The following PARP6 variants were observed in gnomAD, a reference collection of about 807,000 sequenced individuals.
The protein encoded by PARP6 is protein mono-ADP-ribosyltransferase PARP6.
A neutral mutation model predicts 92.0 loss-of-function variants in PARP6; 27 were observed. The observed-to-expected ratio is 0.29, with a 90% CI of 0.22 to 0.40. The LOEUF is 0.40. Ranked by LOEUF, PARP6 falls within the 10% of genes least tolerant of loss-of-function variation. The pLI is 1.00. For missense variants in PARP6, 501 were observed against 784.5 expected, an observed-to-expected ratio of 0.64 and a Z score of 4.32; for synonymous variants, 272 against 281.2, an observed-to-expected ratio of 0.97 and a Z score of 0.33.
chr15:72,246,104 T>C (rs1214491541), intron 20 of PARP6, among the ~76,000 whole-genome samples: 1 of 152,222 alleles, frequency 6.6e-6, no homozygotes, highest in Non-Finnish European at 1.5e-5. Context: ...GTTGGTCACT[T>C]GCCCTGTGTG....
chr15:72,263,959 G>A (rs2086219629), intron 8 of PARP6, among the ~76,000 whole-genome samples: 1 of 150,850 alleles, frequency 6.6e-6, no homozygotes, highest in African/African-American at 2.4e-5. Flanking sequence ...GGAGGCAGAA[G>A]TTGCAGTGAG....
intron 18 of PARP6, among the ~76,000 whole-genome samples, 159 bp downstream of exon 18, chr15:72,250,686 A>G (rs1056397979): frequency 2.0e-5 from 3 of 152,212 alleles, no homozygotes; most frequent in Non-Finnish European, 2.9e-5. Flanking sequence ...CATTATATGT[A>G]CCTTTTTGTC....
At chr15:72,267,437 T>C (rs772427100) in intron 3 of PARP6, 38 bp downstream of exon 3, 1 of 1,611,126 alleles carries the variant, frequency 6.2e-7, no homozygotes, top group Non-Finnish European at 8.5e-7. Flanking sequence ...CTCTACCCTT[T>C]GAACAATCAG....
intron 14 of PARP6, 131 bp downstream of exon 14, chr15:72,256,334 C>T (rs2085126630): frequency 3.1e-6 from 2 of 647,072 alleles, no homozygotes; most frequent in Admixed American, 4.3e-5. Context: ...TTTACTGAAA[C>T]AGCTAAATCA....
rs369758694 is a variant in PARP6 at position 72,256,458 on chromosome 15, A to G, written c.1125+7T>C. On this transcript the variant is annotated splice_region_variant and intron_variant, in intron 14 of 23. Transcript: ENST00000569795. ...TTCCTTAGCCCTGACTTTCTCAAGT[A>G]ACATACCTTAGGGTTAAAGGCCAGA... is the stretch of plus-strand genomic sequence containing the variant. 4.0e-5 allele frequency: 61 copies of G among 1,540,446 alleles called. No individual in the cohort carries two copies. Among genetic ancestry groups the G allele is most frequent in the Non-Finnish European group, 5.0e-5 (58 of 1,150,172 alleles).
intron 13 of PARP6, among the ~76,000 whole-genome samples, chr15:72,257,086 A>G (rs188330396): frequency 6.6e-6 from 1 of 152,182 alleles, no homozygotes; most frequent in East Asian, 1.9e-4. Flanking sequence ...ATGCTGTTGT[A>G]TTTGCTTTTT....
At chr15:72,254,554 T>C in intron 14 of PARP6, 34 bp from the exon 15 acceptor site, 1 of 1,536,502 alleles carries the variant, frequency 6.5e-7, no homozygotes, top group Non-Finnish European at 9.0e-7. Context: ...AAGAACCAAA[T>C]AAAGAAAAGT....
In PARP6 at chr15:72,266,793, G is replaced by A. The variant is rs35014122; in HGVS notation, c.33C>T (p.Asp11=). The A allele has an allele frequency of 2.0e-3, 3,237 of 1,613,908 alleles. 42 individuals carry two copies. In the African/African-American group the frequency reaches 0.036, roughly 18 times the overall value. The change falls in exon 4 of 24, where the codon GAC becomes GAT. Residue 11 remains aspartate (D), a synonymous_variant. Coordinates refer to ENST00000569795, the MANE Select transcript of PARP6 (RefSeq NM_001323532.2). ...CTGATTCATTATCTCCCTCCGAGTC[G>A]TCATCATTCCAGAACTGGCCTTTGA... The part of the protein sequence containing the change: MDIKGQFWND[D]DSEGDNESEE...
At chr15:72,256,105 AT>A (rs2085090889) in intron 14 of PARP6, among the ~76,000 whole-genome samples, 1 of 152,056 alleles carries the variant, frequency 6.6e-6, no homozygotes, top group Non-Finnish European at 1.5e-5. Flanking sequence ...CCTACTTCTC[AT>A]TTGTATAATG....
At chr15:72,257,989 T>G in intron 12 of PARP6, 48 bp downstream of exon 12, 2 of 1,286,998 alleles carry the variant, frequency 1.6e-6, no homozygotes, top group Non-Finnish European at 2.3e-6. Context: ...AGGAGAGGAG[T>G]GAAGGGGACC....
In PARP6 at chr15:72,249,225, G is replaced by A. The variant is rs765917425; in HGVS notation, c.1561+20C>T. The stretch of plus-strand genomic sequence containing the variant: ...GAGGCAATGTAAATAGAGTCAAGGT[G>A]GCCACAGAATATTTCTTACCTGAGT... On this transcript the variant is annotated intron_variant, in intron 20 of 23. Transcript: ENST00000569795. The A allele has an allele frequency of 2.0e-6, 3 of 1,478,296 alleles. No homozygotes were observed. In the East Asian group the frequency reaches 6.9e-5, roughly 34 times the overall value. The allele number at this position is 1,478,296 out of a possible 1,614,324, so 91.6% of individuals were successfully genotyped here.
At chr15:72,252,382 C>T (rs929107694) in intron 16 of PARP6, among the ~76,000 whole-genome samples, 1 of 152,146 alleles carries the variant, frequency 6.6e-6, no homozygotes, top group Non-Finnish European at 1.5e-5. Context: ...TAAGTGTTCT[C>T]GCCACAAAAA....
In PARP6 at chr15:72,241,279, T is replaced by C; in HGVS notation, c.*176A>G. The C allele has an allele frequency of 1.4e-6, 1 of 695,978 alleles. No homozygotes were observed. Among genetic ancestry groups the C allele is most frequent in the Non-Finnish European group, 2.6e-6 (1 of 379,760 alleles). The allele number at this position is 695,978 out of a possible 1,614,324, so 43.1% of individuals were successfully genotyped here. Reference sequence around the variant, plus strand: ...GGAGTCAGTCTGGGCCATCCGAATGTGGAGTAGTTCTTGGGTCAAGCTCTA... The same window carrying C: ...GGAGTCAGTCTGGGCCATCCGAATGCGGAGTAGTTCTTGGGTCAAGCTCTA... On this transcript the variant is annotated 3_prime_UTR_variant, in exon 24 of 24. Coordinates refer to ENST00000569795, the MANE Select transcript of PARP6 (RefSeq NM_001323532.2). This position sits in a 1 kb window ranked among gnomAD's most constrained non-coding sequence, Gnocchi z 4.1.
At chr15:72,260,194 C>T (rs2085672763) in intron 10 of PARP6, among the ~76,000 whole-genome samples, 1 of 152,158 alleles carries the variant, frequency 6.6e-6, no homozygotes, top group Admixed American at 6.5e-5. Flanking sequence ...TGGCATGTGC[C>T]TATAGTCCCA....
In PARP6 at chr15:72,255,413, T is replaced by C. The variant is rs2084940147; in HGVS notation, c.1126-893A>G. Among the ~76,000 whole-genome samples, 5 of 151,896 alleles carry C rather than the reference T, an allele frequency of 3.3e-5. No homozygotes were observed. In the South Asian group the frequency reaches 1.0e-3, roughly 32 times the overall value. On this transcript the variant is annotated intron_variant, in intron 14 of 23. Transcript: ENST00000569795. ...GATTACAGGTGCCCACCAACATGCCTGGCTAATTTTTTGTATTTTCAGTAG... is the reference window on the plus strand; with the variant it reads ...GATTACAGGTGCCCACCAACATGCCCGGCTAATTTTTTGTATTTTCAGTAG...
intron 10 of PARP6, 63 bp downstream of exon 10, chr15:72,260,415 C>A: frequency 7.4e-7 from 1 of 1,345,104 alleles, no homozygotes; most frequent in South Asian, 1.2e-5. Context: ...TGAGAAACTA[C>A]ACTCCCACAG....
At chr15:72,266,332 T>C (rs12907087) in intron 4 of PARP6, among the ~76,000 whole-genome samples, 5,689 of 152,278 alleles carry the variant, frequency 0.037, 185 homozygotes, top group African/African-American at 0.089. Flanking sequence ...ACAGGTTTCC[T>C]AAGATTGGTT....
chr15:72,259,635 G>C lies in PARP6; in HGVS notation c.783C>G (p.Pro261=), dbSNP rs1209308333. The change falls in exon 11 of 24, where the codon CCC becomes CCG. Residue 261 remains proline, a synonymous_variant. Coordinates refer to ENST00000569795, the MANE Select transcript of PARP6 (RefSeq NM_001323532.2). ...GAACGAGGAATCCATACTCCAGAGT[G>C]GGAATGTTCTTGCAGTGACCACTGA... ...PLVSGHCKNI[P]TLEYGFLVQI... The C allele has an allele frequency of 2.5e-6, 4 of 1,613,960 alleles. No individual in the cohort carries two copies. The highest frequency in any genetic ancestry group is 3.4e-6 in the Non-Finnish European group (4 of 1,179,960).
At chr15:72,259,794 G>A in intron 10 of PARP6, 133 bp from the exon 11 acceptor site, 2 of 740,648 alleles carry the variant, frequency 2.7e-6, no homozygotes, top group East Asian at 2.6e-5. Flanking sequence ...AGCTAGAAAG[G>A]AGACTTTTAG....
Sources: gnomAD v4.1 joint callset for allele counts (sites outside exome capture counted in the v4.1 genomes callset) on GRCh38, gnomAD v4.1.1 for gene constraint, Gnocchi (gnomAD v3.1) non-coding constraint, MANE v1.5 for transcripts, NCBI Gene and HGNC (gene_info 2026-07-23, HGNC 2026-07-21) for gene names.